CNTNAP2: variants seen among roughly 807,000 people sequenced by gnomAD.
CNTNAP2 encodes contactin-associated protein-like 2.
CNTNAP2 carries 98 observed loss-of-function variants against 155.2 expected under a neutral mutation model. The ratio of observed to expected loss-of-function variants is 0.63; its 90% confidence interval spans 0.54 to 0.75. The LOEUF (loss-of-function observed/expected upper bound fraction) is 0.75. Ranked by LOEUF, CNTNAP2 falls within the 30% of genes least tolerant of loss-of-function variation. The probability of loss-of-function intolerance (pLI) is 0.00; values close to 1 mark genes in which losing one functional copy is unlikely to be tolerated. For synonymous variants in CNTNAP2, 651 were observed against 631.2 expected (o/e 1.03, Z -0.47); for missense variants, 1,727 against 1,688.1 (o/e 1.02, Z -0.40).
chr7:146,119,880 G>A lies in CNTNAP2; in HGVS notation c.97+2907G>A, dbSNP rs149761198. On this transcript the variant is annotated intron_variant, in intron 1 of 23. Transcript: ENST00000361727. Reference sequence around the variant, plus strand: ...TATATACACACACATGAATATATATGTGTATAAATATATATGTATTTGTTC... The same window carrying A: ...TATATACACACACATGAATATATATATGTATAAATATATATGTATTTGTTC... 1.3e-4 allele frequency among the ~76,000 whole-genome samples: 19 copies of A among 151,848 alleles called. No individual in the cohort carries two copies. In the East Asian group the frequency reaches 3.7e-3, roughly 29 times the overall value.
chr7:146,672,647 C>T (rs918983881), intron 1 of CNTNAP2, among the ~76,000 whole-genome samples: 1 of 152,148 alleles, frequency 6.6e-6, no homozygotes, highest in East Asian at 1.9e-4. Flanking sequence ...TATTATTACA[C>T]TCAAATGGAT....
intron 1 of CNTNAP2, among the ~76,000 whole-genome samples, chr7:146,481,958 A>G (rs1344539922): frequency 6.6e-6 from 1 of 152,190 alleles, no homozygotes; most frequent in Non-Finnish European, 1.5e-5. Flanking sequence ...GCAAACACAA[A>G]TCTTCTCTGG....
At position 148,165,758 on chromosome 7, in the gene CNTNAP2, C is replaced by T. The variant is rs577256439; in HGVS notation, c.2774-6484C>T. On this transcript the variant is annotated intron_variant, in intron 17 of 23. Transcript: ENST00000361727. ...CTTTCTTCATCCCTGCTTGCTGCCTCCCATACATCAAATTGTGCCTGGCAT... is the reference window on the plus strand; with the variant it reads ...CTTTCTTCATCCCTGCTTGCTGCCTTCCATACATCAAATTGTGCCTGGCAT... Among the ~76,000 whole-genome samples, 21 of 152,094 alleles carry T rather than the reference C, an allele frequency of 1.4e-4. No homozygotes were observed. In the East Asian group the frequency reaches 3.5e-3, roughly 25 times the overall value.
chr7:148,352,071 G>A (rs1798436731), intron 21 of CNTNAP2, among the ~76,000 whole-genome samples: 1 of 152,212 alleles, frequency 6.6e-6, no homozygotes, highest in African/African-American at 2.4e-5. Flanking sequence ...GATGGAATCA[G>A]ATAAGTGTGT....
At chr7:147,859,733 C>A (rs751299689) in intron 13 of CNTNAP2, among the ~76,000 whole-genome samples, 3 of 152,096 alleles carry the variant, frequency 2.0e-5, no homozygotes, top group Non-Finnish European at 2.9e-5. Context: ...TACAATGGGG[C>A]TTCTTCTCAA....
At chr7:147,585,616 G>C (rs539245277) in intron 12 of CNTNAP2, among the ~76,000 whole-genome samples, 1 of 85,152 alleles carries the variant, frequency 1.2e-5, no homozygotes, top group Non-Finnish European at 2.3e-5. Context: ...GTAGGCAAAG[G>C]TAATTTTGAG....
At chr7:147,367,026 G>A (rs950073982) in intron 9 of CNTNAP2, among the ~76,000 whole-genome samples, 1 of 151,996 alleles carries the variant, frequency 6.6e-6, no homozygotes, top group African/African-American at 2.4e-5. Flanking sequence ...ATTTTTTATT[G>A]TAGGATCAAA....
chr7:147,695,838 T>C (rs530134596), intron 13 of CNTNAP2, among the ~76,000 whole-genome samples: 106 of 152,218 alleles, frequency 7.0e-4, no homozygotes, highest in African/African-American at 2.5e-3. Flanking sequence ...TTAAAAAGTA[T>C]ATTTACATTC....
intron 3 of CNTNAP2, among the ~76,000 whole-genome samples, chr7:146,924,203 C>T (rs1472018092): frequency 6.6e-6 from 1 of 152,046 alleles, no homozygotes; most frequent in African/African-American, 2.4e-5. Context: ...GTCTCTAGAT[C>T]CATTTCTGAC....
At chr7:147,230,252 T>G (rs1803647479) in intron 8 of CNTNAP2, among the ~76,000 whole-genome samples, 1 of 151,898 alleles carries the variant, frequency 6.6e-6, no homozygotes, top group Non-Finnish European at 1.5e-5. Flanking sequence ...TTTTTTGAAT[T>G]TATTTATTTA....
chr7:146,331,907 CA>C (rs1801194389), intron 1 of CNTNAP2, among the ~76,000 whole-genome samples: 3 of 152,148 alleles, frequency 2.0e-5, no homozygotes, highest in South Asian at 2.1e-4. Flanking sequence ...AAAGCATGTT[CA>C]AAGAACTGTT....
intron 2 of CNTNAP2, among the ~76,000 whole-genome samples, chr7:146,805,878 T>C (rs1802958026): frequency 6.6e-6 from 1 of 152,206 alleles, no homozygotes; most frequent in African/African-American, 2.4e-5. Flanking sequence ...ATGTGAATAA[T>C]AAAGACCAGA....
At chr7:148,274,188 C>G (rs981669924) in intron 21 of CNTNAP2, among the ~76,000 whole-genome samples, 1 of 151,990 alleles carries the variant, frequency 6.6e-6, no homozygotes, top group African/African-American at 2.4e-5. Context: ...AAGCCTGGGT[C>G]CCTCTGTGAC....
intron 14 of CNTNAP2, among the ~76,000 whole-genome samples, chr7:147,934,014 C>T (rs1800559385): frequency 6.6e-6 from 1 of 152,132 alleles, no homozygotes; most frequent in South Asian, 2.1e-4. Context: ...AATAATCAAA[C>T]TCATAGAAGC....
chr7:147,065,978 T>C (rs1236688373), intron 4 of CNTNAP2, among the ~76,000 whole-genome samples: 2 of 151,840 alleles, frequency 1.3e-5, no homozygotes, highest in Non-Finnish European at 2.9e-5. Context: ...TTCCAAACTC[T>C]GAAGTATAAA....
chr7:147,059,248 C>T (rs187052217), intron 4 of CNTNAP2, among the ~76,000 whole-genome samples: 5 of 152,218 alleles, frequency 3.3e-5, no homozygotes, highest in Non-Finnish European at 5.9e-5. Flanking sequence ...AAAGTTCAAA[C>T]GATTGCTTTA....
At chr7:148,303,179 T>C (rs1196160843) in intron 21 of CNTNAP2, among the ~76,000 whole-genome samples, 3 of 152,182 alleles carry the variant, frequency 2.0e-5, no homozygotes, top group African/African-American at 7.2e-5. Context: ...AAAATACTAA[T>C]AGAACAAATA....
intron 1 of CNTNAP2, among the ~76,000 whole-genome samples, chr7:146,200,521 G>GACACAC (rs1222453977): frequency 4.6e-4 from 33 of 72,274 alleles, no homozygotes; most frequent in Admixed American, 1.3e-3. Flanking sequence ...CACACACACA[G>GACACAC]ACACACACAC....
At chr7:146,265,363 T>A (rs1799978440) in intron 1 of CNTNAP2, among the ~76,000 whole-genome samples, 1 of 152,200 alleles carries the variant, frequency 6.6e-6, no homozygotes, top group Non-Finnish European at 1.5e-5. Context: ...GAATCCACAA[T>A]TTATGTCAAC....
Sources: allele counts gnomAD v4.1 joint callset (sites outside exome capture counted in the v4.1 genomes callset), GRCh38; gene constraint gnomAD v4.1.1; transcripts MANE v1.5; gene names NCBI Gene and HGNC (gene_info 2026-07-23, HGNC 2026-07-21).